The following PARD3 variants were observed in gnomAD, a reference collection of about 807,000 sequenced individuals.
PARD3 encodes partitioning defective 3 homolog.
In PARD3, 75 loss-of-function variants were observed where a neutral mutation model predicts 155.4. That is an observed-to-expected ratio of 0.48 (90% CI 0.40 to 0.58). The LOEUF (loss-of-function observed/expected upper bound fraction) is 0.58, where lower values mean the gene tolerates loss of function less well. Among genes scored for constraint, PARD3 ranks in the 20% least tolerant of loss-of-function variants. PARD3 has a pLI of 0.00. For synonymous variants in PARD3, 576 were observed against 610.5 expected, an observed-to-expected ratio of 0.94 and a Z score of 0.83; for missense variants, 1,642 against 1,721.7, an observed-to-expected ratio of 0.95 and a Z score of 0.82.
At chr10:34,146,304 G>A (rs992472155) in intron 22 of PARD3, among the ~76,000 whole-genome samples, 3 of 151,996 alleles carry the variant, frequency 2.0e-5, no homozygotes, top group East Asian at 3.9e-4. Context: ...TTAAGTAGAC[G>A]AAAGACATGG....
intron 5 of PARD3, among the ~76,000 whole-genome samples, chr10:34,404,113 T>C (rs1844188091): frequency 6.6e-6 from 1 of 152,210 alleles, no homozygotes; most frequent in South Asian, 2.1e-4. Context: ...TTCATGAAGC[T>C]ACATACAGTG....
chr10:34,443,415 C>T (rs938654936), intron 5 of PARD3, among the ~76,000 whole-genome samples: 4 of 152,088 alleles, frequency 2.6e-5, no homozygotes, highest in African/African-American at 7.2e-5. Flanking sequence ...CTGATAAATA[C>T]ATACCCGAGA....
chr10:34,319,544 A>C (rs1958249343), intron 19 of PARD3, among the ~76,000 whole-genome samples: 1 of 152,378 alleles, frequency 6.6e-6, no homozygotes, highest in Non-Finnish European at 1.5e-5. Flanking sequence ...GTTTATTAGA[A>C]GAAGCCAGTT....
At chr10:34,443,567 C>G (rs2076582094) in intron 5 of PARD3, among the ~76,000 whole-genome samples, 1 of 152,060 alleles carries the variant, frequency 6.6e-6, no homozygotes, top group African/African-American at 2.4e-5. Flanking sequence ...AGAGCTCGAG[C>G]AGGGAAATTC....
At chr10:34,353,256 G>C (rs922324599) in intron 14 of PARD3, among the ~76,000 whole-genome samples, 2 of 152,238 alleles carry the variant, frequency 1.3e-5, no homozygotes, top group Non-Finnish European at 2.9e-5. Context: ...GATGACGATA[G>C]CAGTTTTGTC....
At chr10:34,753,443 C>A (rs1836315314) in intron 1 of PARD3, among the ~76,000 whole-genome samples, 1 of 152,208 alleles carries the variant, frequency 6.6e-6, no homozygotes, top group African/African-American at 2.4e-5. Context: ...ACAAATGAAG[C>A]CTTGGAATAC....
intron 18 of PARD3, among the ~76,000 whole-genome samples, chr10:34,332,334 T>G (rs970749043): frequency 5.3e-5 from 8 of 152,126 alleles, no homozygotes; most frequent in African/African-American, 1.9e-4. Context: ...AGCTTCCGGA[T>G]GACTGAAATA....
rs562227872 is a variant in PARD3 at position 34,623,713 on chromosome 10, G to A, written c.222+72605C>T. Among the ~76,000 whole-genome samples, 14 of 150,804 alleles carry A rather than the reference G, an allele frequency of 9.3e-5. No individual in the cohort carries two copies. The South Asian group carries it at 2.9e-3, about 31-fold the overall frequency. On this transcript the variant is annotated intron_variant, in intron 2 of 24. Transcript: ENST00000374788. The stretch of plus-strand genomic sequence containing the variant: ...TGTCAGTGCAGGGCCAGGTGCAGGG[G>A]CTCATGCCTGTAATCCCAGCACTTT...
intron 2 of PARD3, among the ~76,000 whole-genome samples, chr10:34,591,792 G>T (rs546873661): frequency 6.6e-6 from 1 of 152,118 alleles, no homozygotes; most frequent in African/African-American, 2.4e-5. Flanking sequence ...GCTAAGCCGG[G>T]GGAGTTTCGA....
At chr10:34,584,024 T>A (rs2087759240) in intron 2 of PARD3, among the ~76,000 whole-genome samples, 1 of 152,234 alleles carries the variant, frequency 6.6e-6, no homozygotes, top group South Asian at 2.1e-4. Flanking sequence ...AACAAATTTT[T>A]AGTATCACTT....
rs773368154 is a variant in PARD3, at chr10:34,111,299, T to C, written c.3932A>G (p.Lys1311Arg). The part of the protein sequence containing the change: ...SEGPSNYDSY[K>R]KVQDPSYAPP... ...GGCGTAACTGGGGTCCTGGACTTTC[T>C]TATACGAGTCATAGTTGCTGGGCCC... The change falls in exon 25 of 25, where the codon AAG (lysine) becomes AGG (arginine). Residue 1311 changes from lysine (K) to arginine (R), a missense_variant. Coordinates refer to ENST00000374788, the MANE Select transcript of PARD3 (RefSeq NM_001184785.2). 1.9e-6 allele frequency: 3 copies of C among 1,613,962 alleles called. No individual in the cohort carries two copies. Among genetic ancestry groups the C allele is most frequent in the African/African-American group, 1.3e-5 (1 of 74,924 alleles).
intron 2 of PARD3, among the ~76,000 whole-genome samples, chr10:34,623,574 A>C (rs982549876): frequency 2.6e-5 from 4 of 152,206 alleles, no homozygotes; most frequent in African/African-American, 9.7e-5. Flanking sequence ...ATAGTTAACC[A>C]AGAAGAGTTG....
At chr10:34,244,096 AAAG>A (rs1588912085) in intron 22 of PARD3, among the ~76,000 whole-genome samples, 2 of 152,232 alleles carry the variant, frequency 1.3e-5, no homozygotes, top group Admixed American at 6.5e-5. Flanking sequence ...CTGATCAGTT[AAAG>A]AATACCAATA....
chr10:34,279,665 G>C (rs1956068957), intron 21 of PARD3, among the ~76,000 whole-genome samples: 1 of 152,120 alleles, frequency 6.6e-6, no homozygotes, highest in East Asian at 1.9e-4. Context: ...CCCAAAGCAG[G>C]TATTACTGAG....
intron 5 of PARD3, among the ~76,000 whole-genome samples, chr10:34,428,589 A>T (rs1194365732): frequency 1.3e-5 from 2 of 152,228 alleles, no homozygotes; most frequent in Non-Finnish European, 1.5e-5. Context: ...TTCAAAATAC[A>T]GTTGAAAATG....
intron 2 of PARD3, among the ~76,000 whole-genome samples, chr10:34,552,877 T>C (rs1180630800): frequency 6.6e-6 from 1 of 152,180 alleles, no homozygotes; most frequent in Non-Finnish European, 1.5e-5. Context: ...CAAAAGTAAT[T>C]ACGGTTTTTG....
In PARD3 at chr10:34,748,338, C is replaced by T. The variant is rs1365558795; in HGVS notation, c.121-51919G>A. Among the ~76,000 whole-genome samples the T allele has an allele frequency of 3.9e-5, 6 of 152,098 alleles. No homozygotes were observed. The South Asian group carries it at 6.2e-4, about 16-fold the overall frequency. ...TACCAAAATTAGCTGGGTGTGGTGG[C>T]GTGCGCCTGTAATCCCAGCTACTCG... On this transcript the variant is annotated intron_variant, in intron 1 of 24. Transcript: ENST00000374788.
intron 20 of PARD3, among the ~76,000 whole-genome samples, chr10:34,297,768 A>G (rs1409544245): frequency 6.6e-6 from 1 of 152,246 alleles, no homozygotes; most frequent in East Asian, 1.9e-4. Flanking sequence ...ACCTGGCTTC[A>G]GAGCAGTGAG....
chr10:34,359,912 C>T (rs1379027483), intron 13 of PARD3, among the ~76,000 whole-genome samples, 159 bp downstream of exon 13: 2 of 152,188 alleles, frequency 1.3e-5, no homozygotes, highest in African/African-American at 2.4e-5. Flanking sequence ...TCCATCCCCA[C>T]GTGACACATC....
Sources: gnomAD v4.1 joint callset for allele counts (sites outside exome capture counted in the v4.1 genomes callset) on GRCh38, gnomAD v4.1.1 for gene constraint, MANE v1.5 for transcripts, NCBI Gene and HGNC (gene_info 2026-07-23, HGNC 2026-07-21) for gene names.